FRMD6: variants seen among roughly 807,000 people sequenced by gnomAD.
FRMD6 encodes the protein FERM domain-containing protein 6.
In FRMD6, 37 loss-of-function variants were observed where a neutral mutation model predicts 73.2. The ratio of observed to expected loss-of-function variants is 0.51; its 90% CI spans 0.39 to 0.66. FRMD6 has a LOEUF of 0.66. FRMD6 is among the 30% of genes least tolerant of loss of function. FRMD6 has a pLI of 0.00. For synonymous variants in FRMD6, 273 were observed against 282.2 expected (o/e 0.97, Z 0.33); for missense variants, 714 against 780.5 (o/e 0.91, Z 1.02).
chr14:51,686,334 C>T (rs1031425684), intron 1 of FRMD6, among the ~76,000 whole-genome samples: 3 of 152,032 alleles, frequency 2.0e-5, no homozygotes, highest in African/African-American at 7.2e-5. Flanking sequence ...AACAAAACTG[C>T]ATACTTTTAG....
chr14:51,726,975 A>G (rs1897993931), intron 13 of FRMD6, among the ~76,000 whole-genome samples: 3 of 152,210 alleles, frequency 2.0e-5, no homozygotes, highest in Non-Finnish European at 2.9e-5. Flanking sequence ...TTCCATTCAT[A>G]TAATTATCAG....
intron 1 of FRMD6, among the ~76,000 whole-genome samples, chr14:51,569,898 C>G (rs1038300163): frequency 2.0e-4 from 31 of 151,868 alleles, no homozygotes; most frequent in African/African-American, 5.1e-4. Flanking sequence ...TCACTGCAAG[C>G]TCCACCTCCT....
At chr14:51,505,678 CA>C (rs1883920253) in intron 1 of FRMD6, among the ~76,000 whole-genome samples, 1 of 152,178 alleles carries the variant, frequency 6.6e-6, no homozygotes, top group South Asian at 2.1e-4. Flanking sequence ...ACCTTAAATG[CA>C]GCATGTTTCT....
intron 4 of FRMD6, 144 bp downstream of exon 4, chr14:51,701,303 A>G (rs978768921): frequency 6.1e-5 from 21 of 345,404 alleles, no homozygotes; most frequent in South Asian, 5.0e-4. Flanking sequence ...TATATATAGT[A>G]TATGTATAGT....
intron 12 of FRMD6, 72 bp from the exon 13 acceptor site, chr14:51,725,707 T>G (rs922783240): frequency 5.3e-6 from 6 of 1,130,164 alleles, no homozygotes; most frequent in Non-Finnish European, 6.7e-6. Context: ...GATAGCAATA[T>G]GTCAGAATAT....
chr14:51,403,104 A>G, the FRMD6 span, among the ~76,000 whole-genome samples: 1 of 152,162 alleles, frequency 6.6e-6, no homozygotes, highest in African/African-American at 2.4e-5. Context: ...GCTTGATGGT[A>G]TTTTCAAAAT....
At chr14:51,577,776 C>T (rs2139637525) in intron 2 of FRMD6, among the ~76,000 whole-genome samples, 1 of 152,258 alleles carries the variant, frequency 6.6e-6, no homozygotes, top group East Asian at 1.9e-4. Flanking sequence ...AGTTCAAATC[C>T]TAGCTCTGCC....
chr14:51,423,345 G>A, the FRMD6 span, among the ~76,000 whole-genome samples: 6 of 152,142 alleles, frequency 3.9e-5, no homozygotes, highest in African/African-American at 7.2e-5. Context: ...AAGGATCCAC[G>A]CACTGCAGCC....
At chr14:51,624,195 A>T (rs998167251) in intron 2 of FRMD6, among the ~76,000 whole-genome samples, 1 of 152,130 alleles carries the variant, frequency 6.6e-6, no homozygotes, top group Non-Finnish European at 1.5e-5. Flanking sequence ...TAATTAATGG[A>T]TACTAGGCTT....
intron 9 of FRMD6, 21 bp downstream of exon 9, chr14:51,712,572 T>C (rs1360384532): frequency 1.6e-5 from 24 of 1,502,300 alleles, no homozygotes; most frequent in Non-Finnish European, 2.1e-5. Flanking sequence ...AATAACTGGC[T>C]TAAAAGAAAA....
At chr14:51,683,150 C>T (rs901329345) in intron 1 of FRMD6, among the ~76,000 whole-genome samples, 3 of 152,234 alleles carry the variant, frequency 2.0e-5, no homozygotes, top group East Asian at 1.9e-4. Context: ...CAAAAGTAGA[C>T]TTCTTAAAGT....
intron 1 of FRMD6, among the ~76,000 whole-genome samples, chr14:51,652,956 A>G (rs1424697971): frequency 6.6e-6 from 1 of 152,242 alleles, no homozygotes; most frequent in African/African-American, 2.4e-5. Flanking sequence ...AAGCTGGCAG[A>G]TTTTCAGGCC....
chr14:51,638,835 G>A (rs773089438), intron 2 of FRMD6, among the ~76,000 whole-genome samples: 1 of 152,182 alleles, frequency 6.6e-6, no homozygotes, highest in Non-Finnish European at 1.5e-5. Context: ...CTTGCCAAAT[G>A]ACCTCACATA....
chr14:51,588,747 C>G (rs1240692986), intron 2 of FRMD6, among the ~76,000 whole-genome samples: 1 of 152,190 alleles, frequency 6.6e-6, no homozygotes, highest in African/African-American at 2.4e-5. Flanking sequence ...CGAACTTAAA[C>G]TGTAAAGCAT....
intron 2 of FRMD6, among the ~76,000 whole-genome samples, chr14:51,636,564 C>G (rs551507495): frequency 6.6e-6 from 1 of 152,332 alleles, no homozygotes; most frequent in Admixed American, 6.5e-5. Context: ...TAGCCTCCTC[C>G]TGTTTTTGTG....
chr14:51,690,579 T>C (rs1418987324), intron 2 of FRMD6, among the ~76,000 whole-genome samples: 4 of 152,140 alleles, frequency 2.6e-5, no homozygotes, highest in Non-Finnish European at 5.9e-5. Context: ...AGCGACGGGG[T>C]TTCACCATAT....
chr14:51,422,787 T>C, the FRMD6 span, among the ~76,000 whole-genome samples: 1 of 152,212 alleles, frequency 6.6e-6, no homozygotes, highest in Admixed American at 6.5e-5. Context: ...TCAACACCCT[T>C]TGGGTAAGGA....
intron 1 of FRMD6, among the ~76,000 whole-genome samples, chr14:51,564,011 G>A (rs749411997): frequency 3.3e-5 from 5 of 151,948 alleles, no homozygotes; most frequent in Admixed American, 6.6e-5. Flanking sequence ...TTTTTATTAC[G>A]GAAAATTTCT....
intron 1 of FRMD6, among the ~76,000 whole-genome samples, chr14:51,534,110 G>T (rs1259296306): frequency 1.3e-5 from 2 of 152,150 alleles, no homozygotes; most frequent in Non-Finnish European, 2.9e-5. Context: ...GAGGGTGGGG[G>T]TACACAGGGA....
Sources: gnomAD v4.1 joint callset for allele counts (sites outside exome capture counted in the v4.1 genomes callset) on GRCh38, gnomAD v4.1.1 for gene constraint, MANE v1.5 for transcripts, NCBI Gene and HGNC (gene_info 2026-07-23, HGNC 2026-07-21) for gene names.